Variants in PDZRN4 observed in about 807,000 individuals in gnomAD.
PDZRN4 encodes PDZ domain-containing RING finger protein 4.
PDZRN4 carries 70 observed loss-of-function variants against 99.0 expected under a neutral mutation model. The observed-to-expected ratio is 0.71, with a 90% CI of 0.58 to 0.86. The LOEUF is 0.86. PDZRN4 is among the 40% of genes least tolerant of loss of function. The pLI is 0.00. For missense variants in PDZRN4, 1,474 were observed against 1,331.2 expected, an observed-to-expected ratio of 1.11 and a Z score of -1.67; for synonymous variants, 551 against 501.6, an observed-to-expected ratio of 1.10 and a Z score of -1.32.
chr12:41,218,061 G>T (rs961446111), intron 3 of PDZRN4, among the ~76,000 whole-genome samples: 24 of 152,112 alleles, frequency 1.6e-4, no homozygotes, highest in Non-Finnish European at 3.4e-4. Flanking sequence ...TTCAAAAGCA[G>T]CCTTCCAAGT....
intron 3 of PDZRN4, among the ~76,000 whole-genome samples, chr12:41,463,975 T>C (rs1952898416): frequency 6.6e-6 from 1 of 151,954 alleles, no homozygotes; most frequent in Admixed American, 6.6e-5. Context: ...CCACAGGAGG[T>C]ACAACAGCTC....
intron 3 of PDZRN4, among the ~76,000 whole-genome samples, chr12:41,342,788 A>G (rs1346392700): frequency 2.0e-5 from 3 of 151,944 alleles, no homozygotes; most frequent in Admixed American, 2.0e-4. Context: ...CCACTATGAA[A>G]AAGAGATGGA....
At chr12:41,495,357 C>A (rs539927851) in intron 3 of PDZRN4, among the ~76,000 whole-genome samples, 4 of 152,148 alleles carry the variant, frequency 2.6e-5, no homozygotes, top group Admixed American at 1.3e-4. Context: ...TAAAATTCAA[C>A]CTCTTCAGCT....
At chr12:41,279,188 A>G (rs541278925) in intron 3 of PDZRN4, among the ~76,000 whole-genome samples, 1 of 152,374 alleles carries the variant, frequency 6.6e-6, no homozygotes, top group East Asian at 1.9e-4. Context: ...ACTTTAAACA[A>G]ATCAGTCATT....
rs531960542 is a variant in PDZRN4 at position 41,320,122 on chromosome 12, C to A, written c.843+125934C>A. Among the ~76,000 whole-genome samples, 146 of 152,340 alleles carry A rather than the reference C, an allele frequency of 9.6e-4. No individual in the cohort carries two copies. In the Middle Eastern group the frequency reaches 0.01, roughly 11 times the overall value. The stretch of plus-strand genomic sequence containing the variant: ...GTTATCCATCTTCTGCACAGCCCCA[C>A]CTAGGGGCTGAGGTAGCGAGAACAT... On this transcript the variant is annotated intron_variant, in intron 3 of 9. Coordinates refer to ENST00000402685, the MANE Select transcript of PDZRN4 (RefSeq NM_001164595.2).
chr12:41,480,823 A>G (rs1426356423), intron 3 of PDZRN4, among the ~76,000 whole-genome samples: 1 of 152,148 alleles, frequency 6.6e-6, no homozygotes, highest in Admixed American at 6.6e-5. Context: ...CTGATACTCT[A>G]TAGAATTAAG....
chr12:41,413,797 G>A (rs1952418880), intron 3 of PDZRN4, among the ~76,000 whole-genome samples: 1 of 152,006 alleles, frequency 6.6e-6, no homozygotes, highest in Admixed American at 6.6e-5. Context: ...TAAGTGGGGT[G>A]TTAAGACCGT....
intron 3 of PDZRN4, among the ~76,000 whole-genome samples, chr12:41,322,780 G>A (rs1229398390): frequency 1.3e-5 from 2 of 152,144 alleles, no homozygotes; most frequent in East Asian, 1.9e-4. Flanking sequence ...ACAGGCGTGA[G>A]CCACCGCGCC....
chr12:41,287,693 T>C (rs1301970216), intron 3 of PDZRN4, among the ~76,000 whole-genome samples: 1 of 152,196 alleles, frequency 6.6e-6, no homozygotes, highest in Non-Finnish European at 1.5e-5. Flanking sequence ...AGCAACCTAA[T>C]CAAATAGAAA....
intron 3 of PDZRN4, among the ~76,000 whole-genome samples, chr12:41,196,558 G>T (rs557704080): frequency 6.6e-6 from 1 of 152,012 alleles, no homozygotes; most frequent in African/African-American, 2.4e-5. Flanking sequence ...TGATGCTATC[G>T]GCTTTTTGAG....
chr12:41,432,697 A>C (rs1406530821), intron 3 of PDZRN4, among the ~76,000 whole-genome samples: 1 of 152,216 alleles, frequency 6.6e-6, no homozygotes. Flanking sequence ...GGTAGGGATA[A>C]AATGCACCAA....
intron 3 of PDZRN4, among the ~76,000 whole-genome samples, chr12:41,300,073 A>G (rs1391909967): frequency 1.7e-4 from 26 of 151,878 alleles, no homozygotes; most frequent in Admixed American, 1.7e-3. Flanking sequence ...TATTTGTGTC[A>G]TATTTTATAT....
In PDZRN4 at chr12:41,188,436, C is replaced by G. The variant is rs951946295; in HGVS notation, c.-20C>G. On this transcript the variant is annotated 5_prime_UTR_variant, in exon 1 of 10. Coordinates refer to ENST00000402685, the MANE Select transcript of PDZRN4 (RefSeq NM_001164595.2). ...AAGACGGACTCTGCTTTCGCTCCCC[C>G]TTTCTTCCCCATCCCTAACATGGGC... The G allele has an allele frequency of 1.7e-5, 26 of 1,557,102 alleles. No homozygotes were observed. The East Asian group carries it at 4.0e-4, about 24-fold the overall frequency.
intron 3 of PDZRN4, chr12:41,477,800 C>A (rs909243412): frequency 2.2e-6 from 2 of 917,656 alleles, no homozygotes; most frequent in Non-Finnish European, 1.7e-6. Context: ...GGCGCCTTTA[C>A]CATGCATGTG....
At position 41,573,593 on chromosome 12, in the gene PDZRN4, G is replaced by A; in HGVS notation, c.2814G>A (p.Gly938=). The A allele has an allele frequency of 6.2e-7, 1 of 1,613,904 alleles. No homozygotes were observed. Among genetic ancestry groups the A allele is most frequent in the Non-Finnish European group, 8.5e-7 (1 of 1,179,988 alleles). The change falls in exon 10 of 10, where the codon GGG becomes GGA. Residue 938 remains glycine, a synonymous_variant. Transcript: ENST00000402685. ...DDDTMSEMKM[G]RYWSKEERKQ... The stretch of plus-strand genomic sequence containing the variant: ...ACACCATGAGCGAGATGAAAATGGG[G>A]CGCTACTGGAGCAAAGAGGAGAGAA...
At chr12:41,394,716 T>C (rs1952233825) in intron 3 of PDZRN4, among the ~76,000 whole-genome samples, 2 of 152,024 alleles carry the variant, frequency 1.3e-5, no homozygotes, top group African/African-American at 4.8e-5. Context: ...TTGCCATGCA[T>C]GCACCATCAT....
At chr12:41,306,706 T>C (rs142232302) in intron 3 of PDZRN4, among the ~76,000 whole-genome samples, 225 of 152,320 alleles carry the variant, frequency 1.5e-3, no homozygotes, top group African/African-American at 5.2e-3. Context: ...ATTTCTCTCT[T>C]CTTGAGTTTT....
chr12:41,528,192 GTTTGTTTTTGTTTTTGTT>G (rs147184599), intron 5 of PDZRN4, among the ~76,000 whole-genome samples: 12 of 151,208 alleles, frequency 7.9e-5, no homozygotes, highest in East Asian at 5.9e-4. Flanking sequence ...TTTTTTGTTT[GTTTGTTTTTGTTTTTGTT>G]TTTGTTTTTG....
At chr12:41,217,915 A>G (rs1168390751) in intron 3 of PDZRN4, among the ~76,000 whole-genome samples, 1 of 152,104 alleles carries the variant, frequency 6.6e-6, no homozygotes, top group East Asian at 1.9e-4. Flanking sequence ...CATGATTCAT[A>G]TAAACTTCCC....
Sources: gnomAD v4.1 joint callset for allele counts (sites outside exome capture counted in the v4.1 genomes callset) on GRCh38, gnomAD v4.1.1 for gene constraint, MANE v1.5 for transcripts, NCBI Gene and HGNC (gene_info 2026-07-23, HGNC 2026-07-21) for gene names.